Variants in GRIP1 observed in about 807,000 individuals in gnomAD.
GRIP1 encodes the protein glutamate receptor-interacting protein 1.
GRIP1 carries 45 observed loss-of-function variants against 129.9 expected under a neutral mutation model. The ratio of observed to expected loss-of-function variants is 0.35; its 90% CI spans 0.27 to 0.44. The LOEUF (loss-of-function observed/expected upper bound fraction) is 0.44. Among genes scored for constraint, GRIP1 ranks in the 20% least tolerant of loss-of-function variants. GRIP1 has a pLI of 1.00. For missense variants in GRIP1, 1,196 were observed against 1,396.8 expected, an observed-to-expected ratio of 0.86 and a Z score of 2.29; for synonymous variants, 530 against 520.8, an observed-to-expected ratio of 1.02 and a Z score of -0.24.
upstream of GRIP1, among the ~76,000 whole-genome samples, chr12:66,807,551 G>A (rs770549052): frequency 1.3e-5 from 2 of 152,102 alleles, no homozygotes; most frequent in Non-Finnish European, 2.9e-5. Context: ...GCGGGCGCCT[G>A]TAGTCCCAGC....
intron 1 of GRIP1, among the ~76,000 whole-genome samples, chr12:66,867,983 T>C (rs1211036436): frequency 1.3e-5 from 2 of 152,178 alleles, no homozygotes; most frequent in African/African-American, 2.4e-5. Context: ...TATGACACTT[T>C]ATTCTGACGT....
intron 2 of GRIP1, among the ~76,000 whole-genome samples, chr12:66,578,370 AGGTTCAT>A (rs2063222624): frequency 6.6e-6 from 1 of 151,778 alleles, no homozygotes; most frequent in Non-Finnish European, 1.5e-5. Context: ...CTGAGGTACC[AGGTTCAT>A]CTCACTAGGG....
At chr12:66,723,519 G>A (rs1015942152) in intron 1 of GRIP1, among the ~76,000 whole-genome samples, 1 of 151,440 alleles carries the variant, frequency 6.6e-6, no homozygotes, top group Admixed American at 6.6e-5. Context: ...CACTATGTTG[G>A]CCAGGTTGGT....
intron 1 of GRIP1, among the ~76,000 whole-genome samples, chr12:66,785,179 C>T (rs1440784878): frequency 6.6e-6 from 1 of 151,274 alleles, no homozygotes; most frequent in African/African-American, 2.4e-5. Flanking sequence ...AGGTTGAGGG[C>T]CAGGCATGGT....
At chr12:66,566,653 G>A (rs2062768998) in intron 2 of GRIP1, among the ~76,000 whole-genome samples, 2 of 152,126 alleles carry the variant, frequency 1.3e-5, no homozygotes, top group South Asian at 4.2e-4. Flanking sequence ...GAGTTAGGGA[G>A]GATTCCCTCT....
rs770205693 is a variant in GRIP1, at chr12:66,362,053, G to A, written c.3013-8490C>T. Among the ~76,000 whole-genome samples, 5 of 151,716 alleles carry A rather than the reference G, an allele frequency of 3.3e-5. No homozygotes were observed. The Middle Eastern group carries it at 0.01, about 316-fold the overall frequency. On this transcript the variant is annotated intron_variant, in intron 23 of 24. Transcript: ENST00000359742. ...AGAAATTGCCGATGCCTGATATTAC[G>A]AAGAGGCTGGGACAAGGAAAGAGCT...
At chr12:66,499,497 G>A (rs1273013168) in intron 7 of GRIP1, among the ~76,000 whole-genome samples, 1 of 152,118 alleles carries the variant, frequency 6.6e-6, no homozygotes, top group East Asian at 1.9e-4. Context: ...TATCTTTTAT[G>A]TACAGGGCAC....
chr12:66,992,007 G>A lies in GRIP1; in HGVS notation c.58+77043C>T, dbSNP rs147696537. Among the ~76,000 whole-genome samples, 247 of 152,320 alleles carry A rather than the reference G, an allele frequency of 1.6e-3. 1 individual carries two copies. The highest frequency in any genetic ancestry group is 5.7e-3 in the African/African-American group (236 of 41,562). ...TTAAATAGACAGGCATTTCATGGTA[G>A]TGTTGAGATACTCTTACAATCTTCA... On this transcript the variant is annotated intron_variant, in intron 1 of 1. Transcript: ENST00000643019.
At chr12:66,376,095 T>C (rs2055772195) in intron 22 of GRIP1, among the ~76,000 whole-genome samples, 1 of 152,258 alleles carries the variant, frequency 6.6e-6, no homozygotes, top group African/African-American at 2.4e-5. Flanking sequence ...TTAGATTTTA[T>C]AGGATTATCC....
intron 5 of GRIP1, among the ~76,000 whole-genome samples, chr12:66,523,948 G>A (rs2061122206): frequency 6.6e-6 from 1 of 152,182 alleles, no homozygotes; most frequent in Non-Finnish European, 1.5e-5. Flanking sequence ...TTACATAATG[G>A]TAAAGGGATC....
chr12:66,406,194 C>G, intron 16 of GRIP1, 89 bp downstream of exon 16: 1 of 1,280,256 alleles, frequency 7.8e-7, no homozygotes, highest in Admixed American at 1.7e-5. Flanking sequence ...CACTAGCCAG[C>G]TGTTGTATGT....
At chr12:66,857,564 A>G (rs1277415822) in intron 1 of GRIP1, among the ~76,000 whole-genome samples, 2 of 151,522 alleles carry the variant, frequency 1.3e-5, no homozygotes, top group Non-Finnish European at 2.9e-5. Context: ...AGGAAAAAAA[A>G]AAAAAAAAGA....
intron 23 of GRIP1, among the ~76,000 whole-genome samples, chr12:66,354,551 A>G (rs556049582): frequency 6.6e-6 from 1 of 152,302 alleles, no homozygotes; most frequent in East Asian, 1.9e-4. Context: ...TGAGGGGGCC[A>G]CGGGTTTTAC....
chr12:66,488,934 C>T (rs2060030706), intron 7 of GRIP1, among the ~76,000 whole-genome samples: 1 of 152,052 alleles, frequency 6.6e-6, no homozygotes, highest in African/African-American at 2.4e-5. Context: ...GAAATTAATT[C>T]CCTGAATAGA....
At chr12:66,637,583 T>A (rs533902246) in intron 1 of GRIP1, among the ~76,000 whole-genome samples, 313 of 150,802 alleles carry the variant, frequency 2.1e-3, no homozygotes, top group Middle Eastern at 3.4e-3. Context: ...TGTTTTTTTT[T>A]AAATTTACAG....
intron 1 of GRIP1, among the ~76,000 whole-genome samples, chr12:66,938,998 A>G (rs529208650): frequency 1.3e-5 from 2 of 149,194 alleles, no homozygotes; most frequent in Non-Finnish European, 3.0e-5. Flanking sequence ...AACACCAGGG[A>G]GCAGGTAAAG....
At chr12:66,529,788 G>T in intron 5 of GRIP1, 43 bp downstream of exon 5, 1 of 1,039,880 alleles carries the variant, frequency 9.6e-7, no homozygotes, top group Non-Finnish European at 1.5e-6. Flanking sequence ...GAAAACCTAT[G>T]GAAATATTTT....
At chr12:66,760,812 T>C (rs2037451549) in intron 1 of GRIP1, among the ~76,000 whole-genome samples, 1 of 152,188 alleles carries the variant, frequency 6.6e-6, no homozygotes, top group Middle Eastern at 3.4e-3. Flanking sequence ...CTGGAACTTT[T>C]CTCAGATCAA....
intron 1 of GRIP1, among the ~76,000 whole-genome samples, chr12:66,836,730 G>T (rs541165363): frequency 1.1e-4 from 16 of 152,332 alleles, no homozygotes; most frequent in African/African-American, 3.6e-4. Context: ...AGTACTTGGT[G>T]TCCTCCTTCT....
Sources: allele counts gnomAD v4.1 joint callset (sites outside exome capture counted in the v4.1 genomes callset), GRCh38; gene constraint gnomAD v4.1.1; transcripts MANE v1.5; gene names NCBI Gene and HGNC (gene_info 2026-07-23, HGNC 2026-07-21).